The following ALDH1A2 variants were observed in gnomAD, a reference collection of about 807,000 sequenced individuals.
ALDH1A2 encodes the protein retinal dehydrogenase 2.
Under a neutral mutation model 60.3 loss-of-function variants are expected in ALDH1A2, and 27 were observed. That is an observed-to-expected ratio of 0.45 (90% CI 0.33 to 0.62). The LOEUF (loss-of-function observed/expected upper bound fraction) is 0.62, where lower values mean the gene tolerates loss of function less well. ALDH1A2 is among the 20% of genes least tolerant of loss of function. The pLI, the probability that ALDH1A2 is intolerant of heterozygous loss-of-function variation, is 0.02. For missense variants in ALDH1A2, 581 were observed against 643.8 expected (o/e 0.90, Z 1.06); for synonymous variants, 289 against 232.4 (o/e 1.24, Z -2.21).
At chr15:58,054,236 G>A (rs769444359) in intron 1 of ALDH1A2, among the ~76,000 whole-genome samples, 1 of 152,096 alleles carries the variant, frequency 6.6e-6, no homozygotes, top group Non-Finnish European at 1.5e-5. Context: ...CACAAAAGGG[G>A]AGGAATAAAA....
At chr15:57,984,164 C>T (rs1380772451) in intron 7 of ALDH1A2, among the ~76,000 whole-genome samples, 1 of 152,178 alleles carries the variant, frequency 6.6e-6, no homozygotes, top group Non-Finnish European at 1.5e-5. Context: ...ACTCTCAGCC[C>T]TACAACTAAC....
chr15:58,039,803 G>A (rs1595683858), intron 1 of ALDH1A2, among the ~76,000 whole-genome samples: 1 of 151,844 alleles, frequency 6.6e-6, no homozygotes, highest in East Asian at 1.9e-4. Flanking sequence ...AAAAGGGAGG[G>A]GAGTCACATG....
chr15:58,030,133 A>T (rs985917397), intron 1 of ALDH1A2, among the ~76,000 whole-genome samples: 8 of 152,210 alleles, frequency 5.3e-5, no homozygotes, highest in Non-Finnish European at 8.8e-5. Flanking sequence ...TGCTATGAAA[A>T]TCCTCAATAA....
At chr15:58,058,428 C>T in intron 1 of ALDH1A2, among the ~76,000 whole-genome samples, 1 of 139,676 alleles carries the variant, frequency 7.2e-6, no homozygotes, top group South Asian at 2.2e-4. Context: ...ATACCACTTT[C>T]TGACTGTTTA....
intron 1 of ALDH1A2, among the ~76,000 whole-genome samples, chr15:58,051,060 A>G (rs568850281): frequency 9.8e-5 from 15 of 152,304 alleles, no homozygotes; most frequent in Admixed American, 5.2e-4. Flanking sequence ...ATCTGTTGAT[A>G]TAAGTAGTTA....
At chr15:58,060,814 A>T (rs1331927706) in intron 1 of ALDH1A2, among the ~76,000 whole-genome samples, 1 of 152,204 alleles carries the variant, frequency 6.6e-6, no homozygotes, top group Admixed American at 6.5e-5. Context: ...ACTGTCACTA[A>T]GATAACTCAA....
intron 7 of ALDH1A2, among the ~76,000 whole-genome samples, chr15:57,970,371 T>C (rs1894023488): frequency 6.6e-6 from 1 of 152,192 alleles, no homozygotes; most frequent in Admixed American, 6.5e-5. Flanking sequence ...GAAACTGGGC[T>C]AATTCTCAGC....
In ALDH1A2 at chr15:57,995,084, G is replaced by A. The variant is rs1895006117; in HGVS notation, c.549C>T (p.Ile183=). Residue 183 remains isoleucine, a synonymous_variant, in exon 5 of 13, where the codon ATC becomes ATT. Transcript: ENST00000249750. ...TGCGAGGAAATACACTCACTGGGAT[G>A]ATCTGTCCACACACTCCAATGGGTT... ...RHEPIGVCGQ[I]IPWNFPLLMF... 1 of 1,611,832 alleles carries A rather than the reference G, an allele frequency of 6.2e-7. No individual in the cohort carries two copies. The highest frequency in any genetic ancestry group is 8.5e-7 in the Non-Finnish European group (1 of 1,178,210).
At chr15:57,996,736 T>C (rs1021561925) in intron 4 of ALDH1A2, among the ~76,000 whole-genome samples, 4 of 152,028 alleles carry the variant, frequency 2.6e-5, no homozygotes, top group Non-Finnish European at 5.9e-5. Context: ...TTCAAAAATA[T>C]TGCCAAATCA....
At chr15:57,988,780 G>A (rs1238769482) in intron 7 of ALDH1A2, among the ~76,000 whole-genome samples, 1 of 152,196 alleles carries the variant, frequency 6.6e-6, no homozygotes. Context: ...AAGCTGCCTT[G>A]CAATAAGCAC....
chr15:58,013,187 C>T (rs1291560320), intron 3 of ALDH1A2, among the ~76,000 whole-genome samples: 1 of 152,182 alleles, frequency 6.6e-6, no homozygotes, highest in East Asian at 1.9e-4. Flanking sequence ...ACCATCCCCT[C>T]TGGTTCTGAA....
intron 1 of ALDH1A2, among the ~76,000 whole-genome samples, chr15:58,040,559 T>A (rs912645006): frequency 2.0e-5 from 3 of 151,936 alleles, no homozygotes; most frequent in Non-Finnish European, 4.4e-5. Flanking sequence ...AGCTAAAGTT[T>A]ATGATGTAAA....
At chr15:58,053,053 C>T (rs1166646866) in intron 1 of ALDH1A2, among the ~76,000 whole-genome samples, 1 of 152,084 alleles carries the variant, frequency 6.6e-6, no homozygotes, top group Admixed American at 6.5e-5. Flanking sequence ...GATGTATGGA[C>T]CACACTCTGT....
At chr15:58,024,508 G>A (rs904731866) in intron 1 of ALDH1A2, among the ~76,000 whole-genome samples, 3 of 152,178 alleles carry the variant, frequency 2.0e-5, no homozygotes, top group Middle Eastern at 3.4e-3. Flanking sequence ...AATTCAACAA[G>A]AGAATATAAA....
At chr15:57,959,021 C>T (rs772929125) in intron 12 of ALDH1A2, among the ~76,000 whole-genome samples, 3 of 152,152 alleles carry the variant, frequency 2.0e-5, no homozygotes, top group Non-Finnish European at 4.4e-5. Context: ...CCTGGACCAC[C>T]TTTCTGGGCA....
At chr15:58,038,104 T>C (rs1304860924) in intron 1 of ALDH1A2, among the ~76,000 whole-genome samples, 3 of 151,696 alleles carry the variant, frequency 2.0e-5, no homozygotes, top group Admixed American at 6.6e-5. Flanking sequence ...CCCTGGTCTC[T>C]TCCTACTAAC....
intron 7 of ALDH1A2, among the ~76,000 whole-genome samples, chr15:57,984,613 T>C (rs1894635453): frequency 6.6e-6 from 1 of 152,236 alleles, no homozygotes; most frequent in Admixed American, 6.5e-5. Context: ...AGTCACATGA[T>C]ACAGTCTTTT....
At chr15:57,965,972 T>A in intron 7 of ALDH1A2, 145 bp from the exon 8 acceptor site, 1 of 706,206 alleles carries the variant, frequency 1.4e-6, no homozygotes. Context: ...CAGCTTGGGT[T>A]ACAAGATGTA....
At chr15:57,955,718 G>GT (rs3832980) in intron 12 of ALDH1A2, among the ~76,000 whole-genome samples, 15,472 of 151,264 alleles carry the variant, frequency 0.1, 872 homozygotes, top group African/African-American at 0.15. Context: ...CACTGGTTCA[G>GT]TATTAGTTCT....
Sources: gnomAD v4.1 joint callset for allele counts (sites outside exome capture counted in the v4.1 genomes callset) on GRCh38, gnomAD v4.1.1 for gene constraint, MANE v1.5 for transcripts, NCBI Gene and HGNC (gene_info 2026-07-23, HGNC 2026-07-21) for gene names.